Variants in ST3GAL2 observed in about 807,000 individuals in gnomAD.
The protein encoded by ST3GAL2 is CMP-N-acetylneuraminate-beta-galactosamide-alpha-2,3-sialyltransferase 2.
A neutral mutation model predicts 37.5 loss-of-function variants in ST3GAL2; 16 were observed. The ratio of observed to expected loss-of-function variants is 0.43; its 90% CI spans 0.29 to 0.65. The LOEUF (loss-of-function observed/expected upper bound fraction) is 0.65. ST3GAL2 is among the 30% of genes least tolerant of loss of function. The probability of loss-of-function intolerance (pLI) is 0.17; values close to 1 mark genes in which losing one functional copy is unlikely to be tolerated. For synonymous variants in ST3GAL2, 238 were observed against 202.9 expected (o/e 1.17, Z -1.47); for missense variants, 383 against 487.8 (o/e 0.79, Z 2.02).
intron 1 of ST3GAL2, among the ~76,000 whole-genome samples, chr16:70,421,935 GTTA>G (rs2047717526): frequency 6.6e-6 from 1 of 152,136 alleles, no homozygotes; most frequent in East Asian, 1.9e-4. Context: ...TTTGTTTGTT[GTTA>G]TTGTTTGTTT....
In ST3GAL2 at chr16:70,426,181, CTTTTTTTTTTTTTTT is replaced by C. The variant is rs56342720; in HGVS notation, c.-1004+12753_-1004+12767del. 8.0e-5 allele frequency among the ~76,000 whole-genome samples: 8 copies of C among 99,512 alleles called. No individual in the cohort carries two copies. The Admixed American group carries it at 8.6e-4, about 11-fold the overall frequency. 65.3% of individuals were successfully genotyped at this position (99,512 alleles called of 152,430 possible). On this transcript the variant is annotated intron_variant, in intron 1 of 6. Coordinates refer to ENST00000342907, the MANE Select transcript of ST3GAL2 (RefSeq NM_006927.4). ...TGCAATGCATTATGGGGGCCAAAGC[CTTTTTTTTTTTTTTT>C]TTTTTTTTTGTTTTTGAGACTGAAT...
chr16:70,396,309 A>AC (rs2047515925), intron 2 of ST3GAL2, among the ~76,000 whole-genome samples: 1 of 151,342 alleles, frequency 6.6e-6, no homozygotes, highest in South Asian at 2.1e-4. Context: ...AAAAAAAAAA[A>AC]AAAAAACCCA....
intron 3 of ST3GAL2, 82 bp downstream of exon 3, chr16:70,394,900 C>A (rs2047504845): frequency 2.7e-6 from 4 of 1,480,446 alleles, no homozygotes; most frequent in African/African-American, 2.8e-5. Flanking sequence ...GCAGCATGCA[C>A]CCTGCCAGAC....
chr16:70,429,205 C>T (rs1352223184), intron 1 of ST3GAL2, among the ~76,000 whole-genome samples: 2 of 152,200 alleles, frequency 1.3e-5, no homozygotes, highest in African/African-American at 4.8e-5. Context: ...CCACAGACAT[C>T]TGGCCCTTAT....
chr16:70,402,232 G>C (rs1399980441), intron 1 of ST3GAL2, among the ~76,000 whole-genome samples: 2 of 140,452 alleles, frequency 1.4e-5, no homozygotes, highest in African/African-American at 5.4e-5. Flanking sequence ...CCAGGAGTGG[G>C]AGATCGTGCC....
chr16:70,426,206 G>A (rs12922813), intron 1 of ST3GAL2, among the ~76,000 whole-genome samples: 1 of 52,330 alleles, frequency 1.9e-5, no homozygotes, highest in Admixed American at 2.4e-4. Flanking sequence ...TTTTTTTTTT[G>A]TTTTTGAGAC....
chr16:70,388,387 C>T lies in ST3GAL2; in HGVS notation c.693G>A (p.Leu231=), dbSNP rs780667430. ...CTCACAATCGGATCTGCCCCGTGGA[C>T]AAGGCGCTGGCGATCCACAGAAGGT... The part of the protein sequence containing the change: ...VLDLLWIASA[L]STGQIRFTYA... The change falls in exon 4 of 7, where the codon TTG becomes TTA. Residue 231 remains leucine, a synonymous_variant. Transcript: ENST00000342907. 6.2e-7 allele frequency: 1 copy of T among 1,614,192 alleles called. No homozygotes were observed. The highest frequency in any genetic ancestry group is 8.5e-7 in the Non-Finnish European group (1 of 1,180,046).
intron 1 of ST3GAL2, among the ~76,000 whole-genome samples, chr16:70,403,740 G>T (rs1014658268): frequency 1.3e-5 from 2 of 152,160 alleles, no homozygotes; most frequent in African/African-American, 4.8e-5. Context: ...TTGAACCAGG[G>T]AGTCAGAGGT....
intron 2 of ST3GAL2, 132 bp from the exon 3 acceptor site, chr16:70,395,307 A>C (rs1282618587): frequency 3.5e-5 from 29 of 821,780 alleles, no homozygotes; most frequent in Admixed American, 1.5e-4. Context: ...GGGCTCTGCC[A>C]GGGAACAGGG....
intron 1 of ST3GAL2, among the ~76,000 whole-genome samples, chr16:70,407,344 T>A (rs890589731): frequency 2.0e-5 from 3 of 152,252 alleles, no homozygotes; most frequent in South Asian, 4.1e-4. Context: ...TTTCGCCATG[T>A]TGGCTAGGCT....
chr16:70,391,345 C>CAT (rs1271668718), intron 3 of ST3GAL2, among the ~76,000 whole-genome samples: 3 of 152,236 alleles, frequency 2.0e-5, no homozygotes, highest in African/African-American at 7.2e-5. Flanking sequence ...GAGAAACTAA[C>CAT]ATGCTCTGTC....
chr16:70,388,288 C>A, intron 4 of ST3GAL2, 79 bp downstream of exon 4: 1 of 1,571,600 alleles, frequency 6.4e-7, no homozygotes, highest in Non-Finnish European at 8.7e-7. Context: ...TGAAAGGAAT[C>A]CTACAATCTG....
chr16:70,379,551 A>T lies in ST3GAL2; in HGVS notation c.*2138T>A, dbSNP rs1249117632. On this transcript the variant is annotated 3_prime_UTR_variant, in exon 7 of 7. Transcript: ENST00000342907. ...TAATTCAGAAAGGGAAGGAAATAAA[A>T]AAGTGTGTTTAAATTACTATTGCAG... 6.6e-6 allele frequency: 1 copy of T among 152,200 alleles called. No individual in the cohort carries two copies. The highest frequency in any genetic ancestry group is 1.5e-5 in the Non-Finnish European group (1 of 68,046). The allele number at this position is 152,200 out of a possible 1,614,324, so 9.4% of individuals were successfully genotyped here. A position where few individuals can be genotyped will look rare whatever the true frequency, so the allele number is the denominator to read the frequency against.
chr16:70,394,415 T>C (rs1005009718), intron 3 of ST3GAL2, among the ~76,000 whole-genome samples: 1 of 152,134 alleles, frequency 6.6e-6, no homozygotes, highest in Non-Finnish European at 1.5e-5. Context: ...TCTCAGTCTA[T>C]TGCCCAGGCT....
intron 1 of ST3GAL2, among the ~76,000 whole-genome samples, chr16:70,414,748 C>T (rs1195655064): frequency 6.6e-6 from 1 of 152,226 alleles, no homozygotes; most frequent in African/African-American, 2.4e-5. Flanking sequence ...TCTCAGCTCA[C>T]TGCAACCTCC....
rs182081502 is a variant in ST3GAL2, at chr16:70,426,297, G to A, written c.-1004+12652C>T. 4.7e-3 allele frequency among the ~76,000 whole-genome samples: 694 copies of A among 147,130 alleles called. 4 individuals carry two copies. The highest frequency in any genetic ancestry group is 0.017 in the African/African-American group (676 of 40,126). The stretch of plus-strand genomic sequence containing the variant: ...CAACCTCCGCCTCCCAGGTTCAAGC[G>A]ATTCTCCTGCCTCAGCCTCCCGAGT... On this transcript the variant is annotated intron_variant, in intron 1 of 6. Transcript: ENST00000342907.
intron 3 of ST3GAL2, among the ~76,000 whole-genome samples, chr16:70,389,134 C>T (rs1442688158): frequency 8.2e-6 from 1 of 122,128 alleles, no homozygotes; most frequent in Non-Finnish European, 1.6e-5. Flanking sequence ...AATCCCAGCA[C>T]TTTGGGAGGC....
Position 70,380,374 on chromosome 16 carries a change from G to C in ST3GAL2, c.*1315C>G, listed in dbSNP as rs1244978406. The C allele has an allele frequency of 1.3e-5, 2 of 152,324 alleles. No individual in the cohort carries two copies. Among genetic ancestry groups the C allele is most frequent in the Non-Finnish European group, 2.9e-5 (2 of 68,110 alleles). 9.4% of individuals were successfully genotyped at this position (152,324 alleles called of 1,614,324 possible). On this transcript the variant is annotated 3_prime_UTR_variant, in exon 7 of 7. Transcript: ENST00000342907. ...AAGGGGGAGCATCTGCGCCGTCACTGTTGGGGAGGGGGCTCTATTAGTGGT... is the reference window on the plus strand; with the variant it reads ...AAGGGGGAGCATCTGCGCCGTCACTCTTGGGGAGGGGGCTCTATTAGTGGT...
intron 1 of ST3GAL2, among the ~76,000 whole-genome samples, chr16:70,401,322 G>A (rs765029804): frequency 2.6e-5 from 4 of 152,150 alleles, no homozygotes; most frequent in East Asian, 1.9e-4. Flanking sequence ...GGGGGCACGC[G>A]AAGGAACTGC....
Sources: allele counts gnomAD v4.1 joint callset (sites outside exome capture counted in the v4.1 genomes callset), GRCh38; gene constraint gnomAD v4.1.1; transcripts MANE v1.5; gene names NCBI Gene and HGNC (gene_info 2026-07-23, HGNC 2026-07-21).